Variants in PYM1 observed in about 807,000 individuals in gnomAD.
PYM1 encodes the protein partner of Y14 and mago.
Under a neutral mutation model 20.7 loss-of-function variants are expected in PYM1, and 7 were observed. That is an observed-to-expected ratio of 0.34 (90% confidence interval 0.19 to 0.64). The LOEUF is 0.64. Ranked by LOEUF, PYM1 falls within the 30% of genes least tolerant of loss-of-function variation. PYM1 has a pLI of 0.74. For missense variants in PYM1, 194 were observed against 250.0 expected (o/e 0.78, Z 1.51); for synonymous variants, 100 against 99.2 (o/e 1.01, Z -0.05).
intron 1 of PYM1, among the ~76,000 whole-genome samples, chr12:55,916,336 A>G (rs1450299291): frequency 6.8e-6 from 1 of 148,142 alleles, no homozygotes; most frequent in East Asian, 1.9e-4. Flanking sequence ...CTCCAGCTCA[A>G]AAAAAAAAAA....
chr12:55,917,425 C>CA (rs199759498), intron 1 of PYM1, among the ~76,000 whole-genome samples: 8,658 of 148,800 alleles, frequency 0.058, 331 homozygotes, highest in Non-Finnish European at 0.083. Context: ...CATCTCAAAA[C>CA]AAAAAAAAAT....
At chr12:55,905,963 A>ATAGATATATATATTATTATATATATCTAT (rs1882807160) in intron 1 of PYM1, among the ~76,000 whole-genome samples, 1 of 54,476 alleles carries the variant, frequency 1.8e-5, no homozygotes, top group Non-Finnish European at 3.7e-5. Flanking sequence ...TATATATCTA[A>ATAGATATATATATTATTATATATATCTAT]TAGATATATA....
intron 1 of PYM1, among the ~76,000 whole-genome samples, chr12:55,911,907 A>G (rs950980301): frequency 6.6e-6 from 1 of 151,942 alleles, no homozygotes; most frequent in Non-Finnish European, 1.5e-5. Flanking sequence ...ATGAGAACTT[A>G]TGGTTTGTAG....
Position 55,927,795 on chromosome 12 carries a change from G to C in PYM1, c.-34C>G, listed in dbSNP as rs1036479989. On this transcript the variant is annotated 5_prime_UTR_variant, in exon 1 of 3. Coordinates refer to ENST00000408946, the MANE Select transcript of PYM1 (RefSeq NM_032345.3). Reference sequence around the variant, plus strand: ...AGGCAGCGGACCAGGTTGGGCGGGCGGCCCTGGCCTGGCTCTGCCCCGCTG... The same window carrying C: ...AGGCAGCGGACCAGGTTGGGCGGGCCGCCCTGGCCTGGCTCTGCCCCGCTG... 2.6e-6 allele frequency: 4 copies of C among 1,535,250 alleles called. No individual in the cohort carries two copies. In the African/African-American group the frequency reaches 4.1e-5, roughly 16 times the overall value.
intron 1 of PYM1, chr12:55,914,219 G>T (rs1592638996): frequency 1.5e-6 from 1 of 687,158 alleles, no homozygotes; most frequent in East Asian, 2.7e-5. Flanking sequence ...TTCTTGAATG[G>T]CCATCCTGTG....
At chr12:55,922,638 A>C (rs1005835978) in intron 1 of PYM1, among the ~76,000 whole-genome samples, 2 of 151,998 alleles carry the variant, frequency 1.3e-5, no homozygotes, top group African/African-American at 4.8e-5. Context: ...AAATATTAAC[A>C]GTAAAAAATC....
rs767819119 is a variant in PYM1, at chr12:55,902,221, C to T, written c.266G>A (p.Arg89His). 4.3e-6 allele frequency: 7 copies of T among 1,614,002 alleles called. No individual in the cohort carries two copies. Among genetic ancestry groups the T allele is most frequent in the East Asian group, 2.2e-5 (1 of 44,878 alleles). ...CCTCTTCTCCTTTCGCTTCAGGTTA[C>T]GTTTGGCTGTCTTGGAGAGGCCTGG... ...GEPGLSKTAK[R>H]NLKRKEKRRQ... Residue 89 changes from arginine to histidine, a missense_variant, in exon 3 of 3, where the codon CGT (arginine) becomes CAT (histidine). Transcript: ENST00000408946.
At chr12:55,905,104 C>T (rs1359567828) in intron 1 of PYM1, among the ~76,000 whole-genome samples, 4 of 151,410 alleles carry the variant, frequency 2.6e-5, no homozygotes, top group Non-Finnish European at 5.9e-5. Flanking sequence ...CGGGTTCACG[C>T]CATTCTCCTG....
intron 1 of PYM1, among the ~76,000 whole-genome samples, chr12:55,908,185 G>C (rs558554606): frequency 3.9e-5 from 6 of 152,016 alleles, no homozygotes; most frequent in Non-Finnish European, 7.4e-5. Flanking sequence ...GGAGGTTGCA[G>C]TGAGCCAAGA....
chr12:55,927,553 C>A, intron 1 of PYM1, 172 bp downstream of exon 1: 1 of 841,912 alleles, frequency 1.2e-6, no homozygotes, highest in Non-Finnish European at 1.8e-6. Flanking sequence ...CAGACAAACT[C>A]CAGGAACGCA....
rs1308447685 is a variant in PYM1, at chr12:55,902,230, G to A, written c.257C>T (p.Thr86Ile). 6.2e-7 allele frequency: 1 copy of A among 1,614,014 alleles called. No homozygotes were observed. Among genetic ancestry groups the A allele is most frequent in the Non-Finnish European group, 8.5e-7 (1 of 1,180,038 alleles). Residue 86 changes from threonine (T) to isoleucine (I), a missense_variant, in exon 3 of 3, where the codon ACA becomes ATA. Coordinates refer to ENST00000408946, the MANE Select transcript of PYM1 (RefSeq NM_032345.3). The part of the protein sequence containing the change: ...PEGGEPGLSK[T>I]AKRNLKRKEK... The stretch of plus-strand genomic sequence containing the variant: ...CTTTCGCTTCAGGTTACGTTTGGCT[G>A]TCTTGGAGAGGCCTGGTTCACCACC...
intron 1 of PYM1, among the ~76,000 whole-genome samples, chr12:55,912,062 T>C (rs1480573425): frequency 6.6e-6 from 1 of 152,122 alleles, no homozygotes; most frequent in African/African-American, 2.4e-5. Context: ...GAAAATAATG[T>C]GCAAGGCAGG....
intron 1 of PYM1, among the ~76,000 whole-genome samples, chr12:55,908,479 T>C (rs566761719): frequency 1.4e-4 from 21 of 151,212 alleles, no homozygotes; most frequent in Admixed American, 2.0e-4. Context: ...TTAAAATAAA[T>C]GTCTAGGGCC....
chr12:55,910,616 G>T (rs1490635291), intron 1 of PYM1, among the ~76,000 whole-genome samples: 3 of 152,052 alleles, frequency 2.0e-5, no homozygotes, highest in East Asian at 1.9e-4. Flanking sequence ...CTAATTTTTT[G>T]TATTTTTAGT....
chr12:55,927,767 A>T lies in PYM1; in HGVS notation c.-6T>A. 6.5e-7 allele frequency: 1 copy of T among 1,538,830 alleles called. No homozygotes were observed. Among genetic ancestry groups the T allele is most frequent in the South Asian group, 1.2e-5 (1 of 83,934 alleles). On this transcript the variant is annotated 5_prime_UTR_variant, in exon 1 of 3. Transcript: ENST00000408946. ...GGGCTGCCGGCAGCTTCCATGGCCGAAGAGGCAGCGGACCAGGTTGGGCGG... is the reference window on the plus strand; with the variant it reads ...GGGCTGCCGGCAGCTTCCATGGCCGTAGAGGCAGCGGACCAGGTTGGGCGG...
chr12:55,926,827 G>A (rs1230043185), intron 1 of PYM1, among the ~76,000 whole-genome samples: 1 of 152,152 alleles, frequency 6.6e-6, no homozygotes, highest in Non-Finnish European at 1.5e-5. Context: ...CTAAGGGCCC[G>A]TGAGGGTCCT....
chr12:55,902,958 T>G (rs1439647429), intron 2 of PYM1, among the ~76,000 whole-genome samples: 3 of 152,080 alleles, frequency 2.0e-5, no homozygotes, highest in African/African-American at 7.2e-5. Flanking sequence ...TAATTTTGTA[T>G]TTTTAGTACA....
intron 1 of PYM1, among the ~76,000 whole-genome samples, chr12:55,905,147 G>A (rs772896022): frequency 1.3e-4 from 20 of 149,564 alleles, no homozygotes; most frequent in Admixed American, 1.1e-3. Context: ...GACTACAGGC[G>A]CCTGCCACCA....
intron 1 of PYM1, among the ~76,000 whole-genome samples, chr12:55,905,960 CTAATAGATATATA>C (rs1882806459): frequency 3.6e-5 from 4 of 111,418 alleles, no homozygotes; most frequent in African/African-American, 8.1e-5. Flanking sequence ...TTATATATAT[CTAATAGATATATA>C]TATTATTATA....
Sources: gnomAD v4.1 joint callset for allele counts (sites outside exome capture counted in the v4.1 genomes callset) on GRCh38, gnomAD v4.1.1 for gene constraint, MANE v1.5 for transcripts, NCBI Gene and HGNC (gene_info 2026-07-23, HGNC 2026-07-21) for gene names.